Variants in CCDC25 observed in about 807,000 individuals in gnomAD.
The protein encoded by CCDC25 is coiled-coil domain-containing protein 25.
A neutral mutation model predicts 35.3 loss-of-function variants in CCDC25; 16 were observed. The observed-to-expected ratio is 0.45, with a 90% CI of 0.31 to 0.69. The LOEUF (loss-of-function observed/expected upper bound fraction) is 0.69. CCDC25 is among the 30% of genes least tolerant of loss of function. The pLI is 0.06. For synonymous variants in CCDC25, 79 were observed against 80.3 expected, an observed-to-expected ratio of 0.98 and a Z score of 0.09; for missense variants, 179 against 250.7, an observed-to-expected ratio of 0.71 and a Z score of 1.93.
At chr8:27,753,547 C>T (rs1803892150) in intron 4 of CCDC25, among the ~76,000 whole-genome samples, 1 of 151,868 alleles carries the variant, frequency 6.6e-6, no homozygotes, top group Admixed American at 6.6e-5. Flanking sequence ...CCCATATCTA[C>T]CAAAAAAAAT....
rs1335551231 is a variant in CCDC25, at chr8:27,747,996, C to T, written c.551+81G>A. On this transcript the variant is annotated intron_variant, in intron 7 of 8. Coordinates refer to ENST00000356537, the MANE Select transcript of CCDC25 (RefSeq NM_018246.3). ...CATGTCCCTCCTTCCACCAATATATCGTTCTTAATGGCTAATACATGATTA... is the reference window on the plus strand; with the variant it reads ...CATGTCCCTCCTTCCACCAATATATTGTTCTTAATGGCTAATACATGATTA... 7.4e-6 allele frequency: 10 copies of T among 1,347,136 alleles called. No individual in the cohort carries two copies. In the Admixed American group the frequency reaches 1.3e-4, roughly 17 times the overall value. The allele number at this position is 1,347,136 out of a possible 1,614,324, so 83.4% of individuals were successfully genotyped here.
At chr8:27,765,615 CTTCT>C (rs1046568398) in intron 1 of CCDC25, among the ~76,000 whole-genome samples, 4 of 134,734 alleles carry the variant, frequency 3.0e-5, no homozygotes, top group South Asian at 5.1e-4. Flanking sequence ...ATACTTTTGC[CTTCT>C]TTAAGAGTTA....
Position 27,755,074 on chromosome 8 carries a change from T to C in CCDC25, c.168+1645A>G, listed in dbSNP as rs79295587. On this transcript the variant is annotated intron_variant, in intron 4 of 8. Transcript: ENST00000356537. ...CAAGGTTCAAGGGTGGCACATCTCATACATGCACATGAACAGCCAATCATC... is the reference window on the plus strand; with the variant it reads ...CAAGGTTCAAGGGTGGCACATCTCACACATGCACATGAACAGCCAATCATC... Among the ~76,000 whole-genome samples the C allele has an allele frequency of 1.2e-3, 186 of 152,256 alleles. 1 individual carries two copies. Among genetic ancestry groups the C allele is most frequent in the African/African-American group, 4.0e-3 (168 of 41,542 alleles).
intron 1 of CCDC25, among the ~76,000 whole-genome samples, 200 bp downstream of exon 1, chr8:27,772,313 A>C (rs574431670): frequency 6.6e-6 from 1 of 152,200 alleles, no homozygotes; most frequent in South Asian, 2.1e-4. Flanking sequence ...CGCGCCCCCC[A>C]CGCCATGACG....
At chr8:27,769,402 T>C (rs1486008646) in intron 1 of CCDC25, among the ~76,000 whole-genome samples, 2 of 152,204 alleles carry the variant, frequency 1.3e-5, no homozygotes, top group Non-Finnish European at 2.9e-5. Context: ...AGAGTAACTT[T>C]AAGGGGAATA....
At position 27,734,380 on chromosome 8, in the gene CCDC25, A is replaced by C. The variant is rs1803142667; in HGVS notation, c.*1836T>G. On this transcript the variant is annotated 3_prime_UTR_variant, in exon 9 of 9. Coordinates refer to ENST00000356537, the MANE Select transcript of CCDC25 (RefSeq NM_018246.3). ...TTTGATCAAGGGCACAGCTCATAAA[A>C]ATAGCAACAATTTCGAATTCTCCTA... 1 of 152,230 alleles carries C rather than the reference A, an allele frequency of 6.6e-6. No homozygotes were observed. Among genetic ancestry groups the C allele is most frequent in the Non-Finnish European group, 1.5e-5 (1 of 68,046 alleles). The allele number at this position is 152,230 out of a possible 1,614,324, so 9.4% of individuals were successfully genotyped here.
Position 27,772,546 on chromosome 8 carries a change from C to T in CCDC25, c.-6G>A, listed in dbSNP as rs1271042142. 6 of 1,549,290 alleles carry T rather than the reference C, an allele frequency of 3.9e-6. No individual in the cohort carries two copies. In the African/African-American group the frequency reaches 5.5e-5, roughly 14 times the overall value. ...CTGGTGAAGTAGAACACCATGATCC[C>T]GGGAGCGGTGCGGTGACTCCACCGC... is the stretch of plus-strand genomic sequence containing the variant. On this transcript the variant is annotated 5_prime_UTR_variant, in exon 1 of 9. Transcript: ENST00000356537.
At chr8:27,757,426 C>T (rs1364728194) in intron 3 of CCDC25, among the ~76,000 whole-genome samples, 1 of 152,140 alleles carries the variant, frequency 6.6e-6, no homozygotes, top group Admixed American at 6.5e-5. Flanking sequence ...AACAGTTCAT[C>T]CGGCCCTATA....
chr8:27,750,203 A>G (rs1758499990), intron 5 of CCDC25, among the ~76,000 whole-genome samples: 1 of 152,188 alleles, frequency 6.6e-6, no homozygotes, highest in Non-Finnish European at 1.5e-5. Flanking sequence ...AAGTGGGGCC[A>G]CTCAAAGCTG....
intron 7 of CCDC25, among the ~76,000 whole-genome samples, chr8:27,744,412 C>G (rs184895043): frequency 6.6e-6 from 1 of 152,078 alleles, no homozygotes; most frequent in South Asian, 2.1e-4. Flanking sequence ...ACAGGTAACA[C>G]GAAGAGGCAC....
At chr8:27,748,444 A>C in intron 6 of CCDC25, 51 bp downstream of exon 6, 1 of 1,408,790 alleles carries the variant, frequency 7.1e-7, no homozygotes, top group Non-Finnish European at 1.0e-6. Context: ...AAGATAGGAT[A>C]CTCCATTCAG....
chr8:27,753,832 C>T (rs982073435), intron 4 of CCDC25, among the ~76,000 whole-genome samples: 1 of 152,214 alleles, frequency 6.6e-6, no homozygotes, highest in Non-Finnish European at 1.5e-5. Context: ...TCTTTTCCTT[C>T]ACCATATAGT....
intron 1 of CCDC25, among the ~76,000 whole-genome samples, chr8:27,769,632 G>T (rs536363192): frequency 6.6e-6 from 1 of 152,050 alleles, no homozygotes; most frequent in Admixed American, 6.5e-5. Flanking sequence ...TAATAATATG[G>T]GTAAAACAAA....
chr8:27,750,317 A>G (rs920602896), intron 5 of CCDC25, among the ~76,000 whole-genome samples: 18 of 152,248 alleles, frequency 1.2e-4, no homozygotes, highest in African/African-American at 4.3e-4. Flanking sequence ...ACTGCACTTT[A>G]GACCTCTAAG....
At chr8:27,745,742 T>G (rs1024969736) in intron 7 of CCDC25, among the ~76,000 whole-genome samples, 5 of 152,258 alleles carry the variant, frequency 3.3e-5, no homozygotes, top group Non-Finnish European at 7.3e-5. Flanking sequence ...TTCCCGGCAC[T>G]GCAGCCCTGT....
Position 27,748,602 on chromosome 8 carries a change from C to A in CCDC25, c.245-4G>T, listed in dbSNP as rs752999918. The stretch of plus-strand genomic sequence containing the variant: ...TTAACGTTGTTCATCTTGCAGCCTG[C>A]CAAGAGAGACTGTCTTCAACATGCA... On this transcript the variant is annotated splice_region_variant and splice_polypyrimidine_tract_variant and intron_variant, in intron 5 of 8. Transcript: ENST00000356537. 4 of 1,605,912 alleles carry A rather than the reference C, an allele frequency of 2.5e-6. No homozygotes were observed. Among genetic ancestry groups the A allele is most frequent in the Non-Finnish European group, 1.7e-6 (2 of 1,172,680 alleles).
intron 4 of CCDC25, 143 bp downstream of exon 4, chr8:27,756,576 G>C: frequency 1.6e-6 from 1 of 619,282 alleles, no homozygotes; most frequent in Admixed American, 2.8e-5. Context: ...TTCTGGGTCA[G>C]AGGGAAGACA....
rs905417781 is a variant in CCDC25, at chr8:27,772,585, T to G, written c.-45A>C. 6.5e-7 allele frequency: 1 copy of G among 1,540,674 alleles called. No homozygotes were observed. Among genetic ancestry groups the G allele is most frequent in the African/African-American group, 1.4e-5 (1 of 72,806 alleles). On this transcript the variant is annotated 5_prime_UTR_variant, in exon 1 of 9. Coordinates refer to ENST00000356537, the MANE Select transcript of CCDC25 (RefSeq NM_018246.3). ...TGACTCCACCGCGGAGCAGCAGCGC[T>G]CAACTCACGAAGCTCAGGATACCAG...
At chr8:27,758,641 A>G (rs893369354) in intron 3 of CCDC25, among the ~76,000 whole-genome samples, 1 of 152,214 alleles carries the variant, frequency 6.6e-6, no homozygotes, top group Non-Finnish European at 1.5e-5. Flanking sequence ...AAAATATCAC[A>G]CTAGTAACCA....
Sources: gnomAD v4.1 joint callset for allele counts (sites outside exome capture counted in the v4.1 genomes callset) on GRCh38, gnomAD v4.1.1 for gene constraint, MANE v1.5 for transcripts, NCBI Gene and HGNC (gene_info 2026-07-23, HGNC 2026-07-21) for gene names.